The following CD164 variants were observed in gnomAD, a reference collection of about 807,000 sequenced individuals.
CD164 encodes the protein sialomucin core protein 24.
A neutral mutation model predicts 24.6 loss-of-function variants in CD164; 11 were observed. That is an observed-to-expected ratio of 0.45 (90% confidence interval 0.28 to 0.74). The LOEUF is 0.74. Among genes scored for constraint, CD164 ranks in the 30% least tolerant of loss-of-function variants. The pLI, the probability that CD164 is intolerant of heterozygous loss-of-function variation, is 0.13. For synonymous variants in CD164, 126 were observed against 100.3 expected, an observed-to-expected ratio of 1.26 and a Z score of -1.53; for missense variants, 295 against 243.7, an observed-to-expected ratio of 1.21 and a Z score of -1.40.
Position 109,368,917 on chromosome 6 carries a change from C to A in CD164, c.528G>T (p.Val176=), listed in dbSNP as rs1234891964. Residue 176 remains valine, a synonymous_variant, in exon 6 of 6, where the codon GTG becomes GTT. Transcript: ENST00000310786. The part of the protein sequence containing the change: ...FIGGIVLVLG[V]QAVIFFLYKF... ...TATAAAGAAAGAAAATTACAGCCTG[C>A]ACACCCAAGACCAGGACAATTCCTC... The A allele has an allele frequency of 2.5e-6, 4 of 1,613,604 alleles. No individual in the cohort carries two copies. The highest frequency in any genetic ancestry group is 3.4e-6 in the Non-Finnish European group (4 of 1,179,860).
Position 109,368,499 on chromosome 6 carries a change from A to C in CD164, c.*352T>G. The C allele has an allele frequency of 7.4e-7, 1 of 1,358,754 alleles. No individual in the cohort carries two copies. The allele number at this position is 1,358,754 out of a possible 1,614,324, so 84.2% of individuals were successfully genotyped here. A position where few individuals can be genotyped will look rare whatever the true frequency, so the allele number is the denominator to read the frequency against. Reference sequence around the variant, plus strand: ...TCTGTTCACTAAATTAAAATTACTAAATTTAAACTGCCAAGAGCCATGATG... The same window carrying C: ...TCTGTTCACTAAATTAAAATTACTACATTTAAACTGCCAAGAGCCATGATG... On this transcript the variant is annotated 3_prime_UTR_variant, in exon 6 of 6. Coordinates refer to ENST00000310786, the MANE Select transcript of CD164 (RefSeq NM_006016.6).
At chr6:109,378,758 A>G (rs1457862615) in intron 2 of CD164, among the ~76,000 whole-genome samples, 2 of 152,186 alleles carry the variant, frequency 1.3e-5, no homozygotes, top group Non-Finnish European at 2.9e-5. Context: ...AGACACTTCT[A>G]TAACAAAAAA....
chr6:109,377,571 G>A (rs1430499878), intron 3 of CD164, among the ~76,000 whole-genome samples: 1 of 151,618 alleles, frequency 6.6e-6, no homozygotes. Flanking sequence ...CACCAAAAGT[G>A]CCAGAATGAG....
chr6:109,382,313 G>C lies in CD164; in HGVS notation c.66C>G (p.Ser22=), dbSNP rs1000625903. Residue 22 remains serine, a synonymous_variant, in exon 1 of 6, where the codon TCC becomes TCG. Coordinates refer to ENST00000310786, the MANE Select transcript of CD164 (RefSeq NM_006016.6). ...ATCLGVLCVL[S]ADKNTTQHPN... ...GGTGCTGGGTCGTGTTCTTGTCCGC[G>C]GACAGCACGCAGAGCACGCCCAGGC... 7.6e-6 allele frequency: 12 copies of C among 1,578,772 alleles called. No homozygotes were observed. Among genetic ancestry groups the C allele is most frequent in the Non-Finnish European group, 9.4e-6 (11 of 1,166,202 alleles).
intron 4 of CD164, chr6:109,370,837 AGTCGTAAGTTCTCTCTTACAAG>A (rs1771037417): frequency 5.3e-6 from 1 of 187,612 alleles, no homozygotes; most frequent in African/African-American, 2.4e-5. Flanking sequence ...AAACTATTAA[AGTCGTAAGTTCTCTCTTACAAG>A]GGTATTGAGA....
chr6:109,371,472 A>C (rs1024192143), intron 4 of CD164: 1 of 153,340 alleles, frequency 6.5e-6, no homozygotes, highest in Admixed American at 6.6e-5. Flanking sequence ...CTCATCTTGA[A>C]CTCCTGACCT....
chr6:109,382,225 G>A lies in CD164; in HGVS notation c.154C>T (p.Leu52=), dbSNP rs1387273182. The A allele has an allele frequency of 6.3e-7, 1 of 1,577,864 alleles. No individual in the cohort carries two copies. The highest frequency in any genetic ancestry group is 8.6e-7 in the Non-Finnish European group (1 of 1,166,560). The change falls in exon 1 of 6, where the codon CTG becomes TTG. Residue 52 remains leucine (L), a synonymous_variant. Transcript: ENST00000310786. ...VTSAPVTSLP[L]VTTPAPETCE... ...CCACCTGGTGCCGGAGTGGTGACCA[G>A]CGGGAGGGACGTCACCGGCGCCGAG...
Position 109,367,361 on chromosome 6 carries a change from T to C in CD164, c.*1490A>G, listed in dbSNP as rs184077801. 1.6e-4 allele frequency: 25 copies of C among 152,628 alleles called. No homozygotes were observed. Among genetic ancestry groups the C allele is most frequent in the African/African-American group, 5.5e-4 (23 of 41,562 alleles). The allele number at this position is 152,628 out of a possible 1,614,324, so 9.5% of individuals were successfully genotyped here. ...CAAAGCAGTTTGTCATTTCTTACTA[T>C]AAAATATTGAAAATCAAGTGCGAAA... On this transcript the variant is annotated 3_prime_UTR_variant, in exon 6 of 6. Coordinates refer to ENST00000310786, the MANE Select transcript of CD164 (RefSeq NM_006016.6).
intron 5 of CD164, among the ~76,000 whole-genome samples, chr6:109,369,891 C>T (rs1770981691): frequency 1.3e-5 from 2 of 152,084 alleles, no homozygotes; most frequent in South Asian, 4.1e-4. Flanking sequence ...TGTGGCGTAA[C>T]CTAACTATGA....
chr6:109,376,191 C>G, intron 3 of CD164, 79 bp from the exon 4 acceptor site: 1 of 978,856 alleles, frequency 1.0e-6, no homozygotes, highest in Non-Finnish European at 1.5e-6. Context: ...TAGTTCCTGA[C>G]CTGCAATCAT....
At position 109,368,579 on chromosome 6, in the gene CD164, T is replaced by C; in HGVS notation, c.*272A>G. ...CTTTCAGAAAGTTATATTTGGCATG[T>C]TAAGGAAAAAAAATATAATCCCACA... On this transcript the variant is annotated 3_prime_UTR_variant, in exon 6 of 6. Coordinates refer to ENST00000310786, the MANE Select transcript of CD164 (RefSeq NM_006016.6). The C allele has an allele frequency of 1.5e-6, 2 of 1,342,300 alleles. No individual in the cohort carries two copies. Among genetic ancestry groups the C allele is most frequent in the Non-Finnish European group, 1.9e-6 (2 of 1,052,424 alleles). The allele number at this position is 1,342,300 out of a possible 1,614,324, so 83.1% of individuals were successfully genotyped here. A position where few individuals can be genotyped will look rare whatever the true frequency, so the allele number is the denominator to read the frequency against.
Position 109,377,844 on chromosome 6 carries a change from A to G in CD164, c.331+56T>C. On this transcript the variant is annotated intron_variant, in intron 3 of 5. Coordinates refer to ENST00000310786, the MANE Select transcript of CD164 (RefSeq NM_006016.6). ...CACTGAAACAAGGCTTTCTGAGGCA[A>G]TGATCTTCCTCACCTCTCTGCGGTC... is the stretch of plus-strand genomic sequence containing the variant. 3 of 1,277,646 alleles carry G rather than the reference A, an allele frequency of 2.3e-6. No homozygotes were observed. In the East Asian group the frequency reaches 6.9e-5, roughly 30 times the overall value. The allele number at this position is 1,277,646 out of a possible 1,614,324, so 79.1% of individuals were successfully genotyped here.
At chr6:109,369,362 C>T (rs1256154764) in intron 5 of CD164, among the ~76,000 whole-genome samples, 9 of 152,184 alleles carry the variant, frequency 5.9e-5, no homozygotes, top group East Asian at 3.9e-4. Flanking sequence ...TGAGTGTAAA[C>T]GTCAATAGTG....
rs1490904351 is a variant in CD164, at chr6:109,382,390, C to T, written c.-12G>A. On this transcript the variant is annotated 5_prime_UTR_variant, in exon 1 of 6. Transcript: ENST00000310786. Reference sequence around the variant, plus strand: ...GAGAGCCGCGACATCGTGTCCTCAGCGCTGGCGTTCGGGAGAAAGCTAAGG... The same window carrying T: ...GAGAGCCGCGACATCGTGTCCTCAGTGCTGGCGTTCGGGAGAAAGCTAAGG... 4.0e-6 allele frequency: 6 copies of T among 1,514,008 alleles called. No individual in the cohort carries two copies. In the East Asian group the frequency reaches 7.7e-5, roughly 19 times the overall value. 93.8% of individuals were successfully genotyped at this position (1,514,008 alleles called of 1,614,324 possible). A position where few individuals can be genotyped will look rare whatever the true frequency, so the allele number is the denominator to read the frequency against.
At position 109,368,273 on chromosome 6, in the gene CD164, A is replaced by T. The variant is rs1582464315; in HGVS notation, c.*578T>A. 1.3e-6 allele frequency: 2 copies of T among 1,540,500 alleles called. No individual in the cohort carries two copies. Among genetic ancestry groups the T allele is most frequent in the Non-Finnish European group, 8.8e-7 (1 of 1,140,908 alleles). ...ATAATCTGTTATACACACTAATGGT[A>T]TCCTTTCATTTCTTTAAATCTGGAA... is the stretch of plus-strand genomic sequence containing the variant. On this transcript the variant is annotated 3_prime_UTR_variant, in exon 6 of 6. Transcript: ENST00000310786.
At chr6:109,379,137 G>T (rs1771590192) in intron 2 of CD164, among the ~76,000 whole-genome samples, 1 of 152,078 alleles carries the variant, frequency 6.6e-6, no homozygotes, top group Non-Finnish European at 1.5e-5. Context: ...ATTTCATGTT[G>T]CAGGACACAG....
intron 4 of CD164, 54 bp from the exon 5 acceptor site, chr6:109,370,521 G>C: frequency 6.9e-7 from 1 of 1,455,132 alleles, no homozygotes; most frequent in East Asian, 2.3e-5. Flanking sequence ...TAGCTTCCCA[G>C]TTATCTAACA....
At chr6:109,382,167 C>T (rs1196663068) in intron 1 of CD164, 37 bp downstream of exon 1, 2 of 1,478,660 alleles carry the variant, frequency 1.4e-6, no homozygotes, top group Admixed American at 4.4e-5. Context: ...CTCGGCTGGG[C>T]AGGGGAGGGC....
chr6:109,378,109 C>T (rs926805027), intron 2 of CD164, 138 bp from the exon 3 acceptor site: 5 of 637,464 alleles, frequency 7.8e-6, no homozygotes, highest in African/African-American at 7.3e-5. Context: ...GGTGTTTTGA[C>T]CTAAAGTTAA....
Sources: gnomAD v4.1 joint callset for allele counts (sites outside exome capture counted in the v4.1 genomes callset) on GRCh38, gnomAD v4.1.1 for gene constraint, MANE v1.5 for transcripts, NCBI Gene and HGNC (gene_info 2026-07-23, HGNC 2026-07-21) for gene names.